Variants in DPYD observed in about 807,000 individuals in gnomAD.
The protein encoded by DPYD is dihydropyrimidine dehydrogenase.
DPYD carries 109 observed loss-of-function variants against 116.2 expected under a neutral mutation model. The observed-to-expected ratio is 0.94, with a 90% CI of 0.80 to 1.10. The LOEUF is 1.10. Ranked by LOEUF, DPYD falls within the 50% of genes least tolerant of loss-of-function variation. The pLI is 0.00. For synonymous variants in DPYD, 440 were observed against 432.0 expected (o/e 1.02, Z -0.23); for missense variants, 1,302 against 1,254.5 (o/e 1.04, Z -0.57).
chr1:97,148,464 A>T (rs1654792347), intron 20 of DPYD, among the ~76,000 whole-genome samples: 1 of 152,096 alleles, frequency 6.6e-6, no homozygotes, highest in African/African-American at 2.4e-5. Context: ...CAAAAGTCTG[A>T]TTTTATTTTT....
At position 97,203,867 on chromosome 1, in the gene DPYD, C is replaced by G. The variant is rs148438545; in HGVS notation, c.2443-10619G>C. Among the ~76,000 whole-genome samples, 240 of 146,980 alleles carry G rather than the reference C, an allele frequency of 1.6e-3. 1 individual carries two copies. The highest frequency in any genetic ancestry group is 0.011 in the Middle Eastern group (3 of 276). On this transcript the variant is annotated intron_variant, in intron 19 of 22. Coordinates refer to ENST00000370192, the MANE Select transcript of DPYD (RefSeq NM_000110.4). ...ACATTTGTTAACATGAAAATAACAT[C>G]TCAAATAGTCCTGACTACCTCTGAA...
At chr1:97,217,875 G>A (rs181500742) in intron 19 of DPYD, among the ~76,000 whole-genome samples, 60 of 152,290 alleles carry the variant, frequency 3.9e-4, no homozygotes, top group Non-Finnish European at 4.6e-4. Flanking sequence ...TCGGAGGACT[G>A]AGACTCTGAA....
At chr1:97,524,370 G>A (rs906389381) in intron 12 of DPYD, among the ~76,000 whole-genome samples, 1 of 152,132 alleles carries the variant, frequency 6.6e-6, no homozygotes, top group Non-Finnish European at 1.5e-5. Context: ...TGTGAAGTTG[G>A]AGCTAGATAA....
chr1:97,681,035 C>T (rs1660402766), intron 7 of DPYD, among the ~76,000 whole-genome samples: 1 of 152,112 alleles, frequency 6.6e-6, no homozygotes, highest in African/African-American at 2.4e-5. Context: ...CTGGTAATTA[C>T]AGCTACACTG....
intron 1 of DPYD, among the ~76,000 whole-genome samples, chr1:97,917,795 G>A (rs951903759): frequency 4.6e-5 from 7 of 152,100 alleles, no homozygotes; most frequent in Admixed American, 1.3e-4. Flanking sequence ...CATACATTTC[G>A]TTTAGATATA....
intron 11 of DPYD, among the ~76,000 whole-genome samples, chr1:97,570,858 C>T (rs1652842694): frequency 6.6e-6 from 1 of 151,844 alleles, no homozygotes; most frequent in African/African-American, 2.4e-5. Flanking sequence ...TTTTCATACT[C>T]TCTAGAATAT....
chr1:97,237,047 C>G (rs1661982707), intron 18 of DPYD, among the ~76,000 whole-genome samples: 1 of 151,810 alleles, frequency 6.6e-6, no homozygotes, highest in African/African-American at 2.4e-5. Flanking sequence ...TGAGACCAGC[C>G]TGGCCAACAT....
chr1:97,518,725 T>C (rs1553187969), intron 12 of DPYD, among the ~76,000 whole-genome samples: 1 of 152,116 alleles, frequency 6.6e-6, no homozygotes, highest in Non-Finnish European at 1.5e-5. Flanking sequence ...AAATAACAGA[T>C]ATAAGGAAAC....
intron 1 of DPYD, among the ~76,000 whole-genome samples, chr1:97,886,770 T>C (rs912068341): frequency 5.3e-5 from 8 of 151,914 alleles, no homozygotes; most frequent in African/African-American, 1.4e-4. Context: ...GTCAAACAAT[T>C]AAGAAGAGGG....
chr1:97,125,957 G>T (rs1017116787), intron 20 of DPYD, among the ~76,000 whole-genome samples: 2 of 151,964 alleles, frequency 1.3e-5, no homozygotes, highest in Non-Finnish European at 2.9e-5. Flanking sequence ...TGGTTAATTC[G>T]GTTTAGTTTA....
intron 20 of DPYD, among the ~76,000 whole-genome samples, chr1:97,141,674 T>A (rs1654236972): frequency 6.6e-6 from 1 of 152,184 alleles, no homozygotes; most frequent in African/African-American, 2.4e-5. Flanking sequence ...TTCATTTTTA[T>A]CTCTTTTACT....
intron 18 of DPYD, among the ~76,000 whole-genome samples, chr1:97,301,353 T>A (rs186558223): frequency 1.3e-5 from 2 of 152,052 alleles, no homozygotes; most frequent in Non-Finnish European, 2.9e-5. Context: ...AAATTTGAAG[T>A]TAAGAACAAG....
intron 14 of DPYD, among the ~76,000 whole-genome samples, chr1:97,421,220 T>A (rs1476706333): frequency 1.3e-5 from 2 of 152,156 alleles, no homozygotes; most frequent in Non-Finnish European, 2.9e-5. Flanking sequence ...CACAACAACC[T>A]TAAGAGTTAA....
intron 21 of DPYD, among the ~76,000 whole-genome samples, chr1:97,097,243 C>A (rs570371157): frequency 6.6e-6 from 1 of 152,286 alleles, no homozygotes; most frequent in South Asian, 2.1e-4. Context: ...CAGCCACTCC[C>A]TTTGCCCTTT....
At chr1:97,415,661 T>G (rs563296200) in intron 14 of DPYD, among the ~76,000 whole-genome samples, 23 of 152,310 alleles carry the variant, frequency 1.5e-4, no homozygotes, top group African/African-American at 4.6e-4. Context: ...CTTCCTGAGT[T>G]GTCCATATTT....
intron 5 of DPYD, among the ~76,000 whole-genome samples, chr1:97,715,671 A>G (rs997134205): frequency 2.0e-5 from 3 of 152,118 alleles, no homozygotes; most frequent in African/African-American, 4.8e-5. Context: ...TCATTTGATC[A>G]TCTTACTTAT....
intron 11 of DPYD, 95 bp downstream of exon 11, chr1:97,573,665 T>A: frequency 6.6e-7 from 1 of 1,509,608 alleles, no homozygotes. Flanking sequence ...GAAAATAAAT[T>A]TTAAAGTGAA....
At chr1:97,092,979 T>C (rs1649994476) in intron 21 of DPYD, among the ~76,000 whole-genome samples, 1 of 152,096 alleles carries the variant, frequency 6.6e-6, no homozygotes, top group African/African-American at 2.4e-5. Flanking sequence ...GACCACATTA[T>C]GGCATACCTG....
chr1:97,167,542 A>C (rs375598767), intron 20 of DPYD, among the ~76,000 whole-genome samples: 1 of 152,192 alleles, frequency 6.6e-6, no homozygotes, highest in South Asian at 2.1e-4. Flanking sequence ...AAATGCACTA[A>C]CGTGGATGAA....
Sources: allele counts gnomAD v4.1 joint callset (sites outside exome capture counted in the v4.1 genomes callset), GRCh38; gene constraint gnomAD v4.1.1; transcripts MANE v1.5; gene names NCBI Gene and HGNC (gene_info 2026-07-23, HGNC 2026-07-21).